The following SLC25A26 variants were observed in gnomAD, a reference collection of about 807,000 sequenced individuals.
SLC25A26 encodes solute carrier family 25 member 26.
A neutral mutation model predicts 37.8 loss-of-function variants in SLC25A26; 36 were observed. That is an observed-to-expected ratio of 0.95 (90% confidence interval 0.73 to 1.26). The LOEUF (loss-of-function observed/expected upper bound fraction) is 1.26. Ranked by LOEUF, SLC25A26 falls within the 50% of genes most tolerant of loss-of-function variation. SLC25A26 has a pLI of 0.00. For missense variants in SLC25A26, 390 were observed against 331.1 expected, an observed-to-expected ratio of 1.18 and a Z score of -1.38; for synonymous variants, 129 against 122.5, an observed-to-expected ratio of 1.05 and a Z score of -0.35.
At chr3:66,245,102 C>G (rs1415370259) in intron 3 of SLC25A26, among the ~76,000 whole-genome samples, 2 of 151,962 alleles carry the variant, frequency 1.3e-5, no homozygotes, top group African/African-American at 2.4e-5. Context: ...AGATGGGGGT[C>G]TCTTTATGTT....
At chr3:66,149,743 A>G (rs571753431) in intron 1 of SLC25A26, among the ~76,000 whole-genome samples, 1 of 152,346 alleles carries the variant, frequency 6.6e-6, no homozygotes. Context: ...TCCTAATAAG[A>G]TAACTATATA....
intron 1 of SLC25A26, among the ~76,000 whole-genome samples, chr3:66,191,079 G>A (rs1166515724): frequency 6.6e-5 from 10 of 151,934 alleles, no homozygotes; most frequent in Non-Finnish European, 1.3e-4. Flanking sequence ...TGCTTCTTAG[G>A]GTAAACTGAG....
chr3:66,361,318 A>C (rs927356588), intron 6 of SLC25A26, among the ~76,000 whole-genome samples: 1 of 152,256 alleles, frequency 6.6e-6, no homozygotes, highest in Admixed American at 6.5e-5. Flanking sequence ...GGATCAAAAA[A>C]TCTTTGTGAC....
intron 5 of SLC25A26, among the ~76,000 whole-genome samples, chr3:66,325,970 G>A (rs370625073): frequency 6.6e-6 from 1 of 152,150 alleles, no homozygotes; most frequent in Non-Finnish European, 1.5e-5. Flanking sequence ...AGTAATAGTA[G>A]CTTGGACTAG....
chr3:66,145,230 C>T (rs1262071110), intron 1 of SLC25A26, among the ~76,000 whole-genome samples: 5 of 152,184 alleles, frequency 3.3e-5, no homozygotes, highest in African/African-American at 9.7e-5. Flanking sequence ...CACCAGATCA[C>T]ATAAATGATT....
intron 1 of SLC25A26, among the ~76,000 whole-genome samples, chr3:66,214,790 T>G (rs1300890117): frequency 6.6e-6 from 1 of 152,228 alleles, no homozygotes; most frequent in Non-Finnish European, 1.5e-5. Context: ...CTGAAATTTT[T>G]TTTTTGAGAC....
chr3:66,340,596 A>T (rs926473702), intron 5 of SLC25A26, among the ~76,000 whole-genome samples: 1 of 151,636 alleles, frequency 6.6e-6, no homozygotes, highest in Admixed American at 6.6e-5. Flanking sequence ...TAGGGTTTTG[A>T]GGTTGGGGTC....
intron 1 of SLC25A26, among the ~76,000 whole-genome samples, chr3:66,134,926 G>A (rs2069924773): frequency 6.6e-6 from 1 of 151,858 alleles, no homozygotes; most frequent in Admixed American, 6.6e-5. Context: ...TGCCTCCCAG[G>A]TTCAAGCGAT....
chr3:66,227,919 G>GT (rs2071832089), intron 1 of SLC25A26, among the ~76,000 whole-genome samples: 1 of 152,076 alleles, frequency 6.6e-6, no homozygotes, highest in Non-Finnish European at 1.5e-5. Context: ...TGTTTTTCTT[G>GT]TTTTGCCTCT....
At chr3:66,317,131 C>G (rs574178501) in intron 5 of SLC25A26, among the ~76,000 whole-genome samples, 290 of 152,312 alleles carry the variant, frequency 1.9e-3, no homozygotes, top group Middle Eastern at 6.8e-3. Flanking sequence ...AGCCTCGGCC[C>G]AGTTCTGTGC....
chr3:66,374,899 T>TA (rs1335200655), intron 9 of SLC25A26, among the ~76,000 whole-genome samples: 4 of 151,758 alleles, frequency 2.6e-5, no homozygotes, highest in Non-Finnish European at 5.9e-5. Flanking sequence ...ATTAATTAAT[T>TA]AAAAATAAAA....
At chr3:66,358,709 C>G (rs1004402582) in intron 6 of SLC25A26, among the ~76,000 whole-genome samples, 2 of 152,180 alleles carry the variant, frequency 1.3e-5, no homozygotes, top group African/African-American at 4.8e-5. Flanking sequence ...CTAGGCTAGT[C>G]TCAAACTCTT....
intron 5 of SLC25A26, among the ~76,000 whole-genome samples, chr3:66,302,875 C>T (rs915050243): frequency 3.3e-5 from 5 of 152,068 alleles, no homozygotes; most frequent in African/African-American, 7.2e-5. Flanking sequence ...AGGTGGTGCA[C>T]GCCATGTGTT....
intron 1 of SLC25A26, among the ~76,000 whole-genome samples, chr3:66,200,034 G>A (rs1268149033): frequency 4.6e-5 from 7 of 152,144 alleles, no homozygotes; most frequent in African/African-American, 1.7e-4. Flanking sequence ...TTACCAACTT[G>A]CCTAAACTTT....
intron 2 of SLC25A26, among the ~76,000 whole-genome samples, chr3:66,239,892 C>T (rs1476471171): frequency 6.9e-6 from 1 of 144,740 alleles, no homozygotes; most frequent in African/African-American, 2.6e-5. Flanking sequence ...GCAGCCACAG[C>T]TTCAGGTTTC....
intron 7 of SLC25A26, among the ~76,000 whole-genome samples, chr3:66,366,911 A>C (rs1179274302): frequency 1.3e-5 from 2 of 152,202 alleles, no homozygotes; most frequent in African/African-American, 4.8e-5. Context: ...GAATAGTAAC[A>C]CCTATGCAAA....
In SLC25A26 at chr3:66,187,395, T is replaced by G. The variant is rs997621317; in HGVS notation, c.-353-33347T>G. Among the ~76,000 whole-genome samples the G allele has an allele frequency of 1.4e-4, 21 of 152,110 alleles. 1 individual carries two copies. The highest frequency in any genetic ancestry group is 2.0e-4 in the Admixed American group (3 of 15,266). ...TCTTATTCTCACTCTGAACCTGACTTGCACCTAACTCTCATCTTTACCCTT... is the reference window on the plus strand; with the variant it reads ...TCTTATTCTCACTCTGAACCTGACTGGCACCTAACTCTCATCTTTACCCTT... On this transcript the variant is annotated intron_variant, in intron 1 of 10. Coordinates refer to the SLC25A26 transcript ENST00000676754.
chr3:66,369,038 AAAAAAC>A (rs1209638435), intron 7 of SLC25A26, among the ~76,000 whole-genome samples: 2 of 23,360 alleles, frequency 8.6e-5, no homozygotes, highest in Non-Finnish European at 1.5e-4. Context: ...AAAAAAAAAA[AAAAAAC>A]AAAAACAAAA....
rs562499675 is a variant in SLC25A26 at position 66,152,088 on chromosome 3, GC to G, written c.-354+18107del. Among the ~76,000 whole-genome samples, 526 of 152,250 alleles carry G rather than the reference GC, an allele frequency of 3.5e-3. 2 individuals are homozygous for G. Among genetic ancestry groups the G allele is most frequent in the African/African-American group, 0.012 (502 of 41,544 alleles). On this transcript the variant is annotated intron_variant, in intron 1 of 10. Coordinates refer to the SLC25A26 transcript ENST00000676754. ...CTTATCATTGTCTCCCTATCACCTA[GC>G]CCAGTGCTTGAGAGATCCGTTATCT...
Sources: gnomAD v4.1 joint callset for allele counts (sites outside exome capture counted in the v4.1 genomes callset) on GRCh38, gnomAD v4.1.1 for gene constraint, MANE v1.5 for transcripts, NCBI Gene and HGNC (gene_info 2026-07-23, HGNC 2026-07-21) for gene names.